The following DRC8 variants were observed in gnomAD, a reference collection of about 807,000 sequenced individuals.
DRC8 encodes dynein regulatory complex protein 8.
At chr1:244,977,944 G>A in the DRC8 span, among the ~76,000 whole-genome samples, 1 of 152,122 alleles carries the variant, frequency 6.6e-6, no homozygotes, top group Non-Finnish European at 1.5e-5. Flanking sequence ...ACACGTGGGG[G>A]AGCCCAGGAG....
the DRC8 span, chr1:245,107,127 T>G: frequency 2.0e-5 from 3 of 152,276 alleles, no homozygotes; most frequent in Non-Finnish European, 4.4e-5. Flanking sequence ...TGTAATCCGA[T>G]TCCAAAGAAA....
At chr1:245,087,762 T>G in the DRC8 span, 2 of 983,356 alleles carry the variant, frequency 2.0e-6, no homozygotes, top group South Asian at 4.7e-5. Context: ...TAATGAAGGC[T>G]TCTTTTTTAA....
chr1:245,052,431 A>G, the DRC8 span, among the ~76,000 whole-genome samples: 1 of 152,114 alleles, frequency 6.6e-6, no homozygotes, highest in Non-Finnish European at 1.5e-5. Flanking sequence ...TTAACTGCCA[A>G]GCACAGCTGC....
At chr1:245,058,732 G>C in the DRC8 span, among the ~76,000 whole-genome samples, 2 of 152,200 alleles carry the variant, frequency 1.3e-5, no homozygotes, top group African/African-American at 4.8e-5. Context: ...ATTGAACTAC[G>C]TTATGATGGG....
chr1:245,119,041 G>T, the DRC8 span, among the ~76,000 whole-genome samples: 1 of 152,158 alleles, frequency 6.6e-6, no homozygotes, highest in Non-Finnish European at 1.5e-5. Context: ...GATGCTGGCG[G>T]AGCCCAACCC....
the DRC8 span, among the ~76,000 whole-genome samples, chr1:245,097,369 T>C: frequency 7.0e-3 from 1,067 of 151,926 alleles, 10 homozygotes; most frequent in African/African-American, 0.025. This position sits in a 1 kb window ranked among gnomAD's most constrained non-coding sequence, Gnocchi z 5.0. Context: ...AATGCAAAAA[T>C]TAGCTGGGCA....
chr1:245,105,227 G>A, the DRC8 span, among the ~76,000 whole-genome samples: 8 of 151,764 alleles, frequency 5.3e-5, no homozygotes, highest in East Asian at 1.5e-3. Flanking sequence ...GTCTCTTTTT[G>A]TCACTCCTCA....
At chr1:245,087,090 TG>T in the DRC8 span, 1 of 1,107,730 alleles carries the variant, frequency 9.0e-7, no homozygotes, top group Non-Finnish European at 1.3e-6. Context: ...TTTGAACCTC[TG>T]GACTGTCGTG....
At chr1:244,992,789 G>A in the DRC8 span, among the ~76,000 whole-genome samples, 1 of 152,200 alleles carries the variant, frequency 6.6e-6, no homozygotes, top group South Asian at 2.1e-4. Context: ...ATTTGACGTA[G>A]TGCCTGTGTC....
chr1:244,986,173 T>C, the DRC8 span, among the ~76,000 whole-genome samples: 1 of 151,796 alleles, frequency 6.6e-6, no homozygotes, highest in Non-Finnish European at 1.5e-5. Flanking sequence ...CAGGCTGGTC[T>C]TGAACTCCTG....
the DRC8 span, among the ~76,000 whole-genome samples, chr1:245,061,408 A>T: frequency 6.6e-6 from 1 of 152,200 alleles, no homozygotes; most frequent in Non-Finnish European, 1.5e-5. Context: ...TTTTAGGGAC[A>T]TGACACAACC....
At chr1:245,111,407 T>C in the DRC8 span, among the ~76,000 whole-genome samples, 1 of 152,350 alleles carries the variant, frequency 6.6e-6, no homozygotes, top group East Asian at 1.9e-4. Context: ...CCTGGCCGAA[T>C]CTTCCAAAGT....
chr1:245,073,830 C>T, the DRC8 span, among the ~76,000 whole-genome samples: 1 of 152,206 alleles, frequency 6.6e-6, no homozygotes, highest in South Asian at 2.1e-4. Flanking sequence ...AGGATCGAAT[C>T]CCTGCGTGAT....
At chr1:245,059,906 T>C in the DRC8 span, among the ~76,000 whole-genome samples, 3 of 151,744 alleles carry the variant, frequency 2.0e-5, no homozygotes, top group Admixed American at 2.0e-4. Context: ...TAAAAACGAG[T>C]CATGTGTAAT....
chr1:245,004,319 G>T, the DRC8 span, among the ~76,000 whole-genome samples: 1 of 151,760 alleles, frequency 6.6e-6, no homozygotes, highest in Non-Finnish European at 1.5e-5. Flanking sequence ...TTAGGAATTT[G>T]TATTCTACAA....
the DRC8 span, among the ~76,000 whole-genome samples, chr1:245,001,281 A>G: frequency 1.3e-5 from 2 of 152,180 alleles, no homozygotes; most frequent in Admixed American, 1.3e-4. Context: ...TTTAGCCTAT[A>G]AAGGATCAAG....
the DRC8 span, among the ~76,000 whole-genome samples, chr1:245,066,127 T>A: frequency 6.6e-6 from 1 of 152,140 alleles, no homozygotes; most frequent in Non-Finnish European, 1.5e-5. Context: ...TTCCAAAATT[T>A]TATTCCCATT....
At chr1:245,110,675 G>A in the DRC8 span, among the ~76,000 whole-genome samples, 1 of 152,272 alleles carries the variant, frequency 6.6e-6, no homozygotes, top group Non-Finnish European at 1.5e-5. Context: ...TTTGTGTATG[G>A]AAGGCAAAAA....
the DRC8 span, among the ~76,000 whole-genome samples, chr1:245,009,806 C>A: frequency 6.6e-6 from 1 of 151,812 alleles, no homozygotes; most frequent in Non-Finnish European, 1.5e-5. Context: ...TGTCTCATAT[C>A]AATTATTTCA....
Sources: allele counts gnomAD v4.1 joint callset (sites outside exome capture counted in the v4.1 genomes callset), GRCh38; gene constraint gnomAD v4.1.1; non-coding constraint Gnocchi (gnomAD v3.1); transcripts MANE v1.5; gene names NCBI Gene and HGNC (gene_info 2026-07-23, HGNC 2026-07-21).